Variants in C10orf90 observed in about 807,000 individuals in gnomAD.
C10orf90 encodes (E2-independent) E3 ubiquitin-conjugating enzyme FATS.
C10orf90 carries 56 observed loss-of-function variants against 62.5 expected under a neutral mutation model. The observed-to-expected ratio is 0.90, with a 90% CI of 0.72 to 1.12. The LOEUF is 1.12. C10orf90 is among the 50% of genes most tolerant of loss of function. C10orf90 has a pLI of 0.00. For synonymous variants in C10orf90, 386 were observed against 340.4 expected (o/e 1.13, Z -1.47); for missense variants, 970 against 880.4 (o/e 1.10, Z -1.29).
chr10:126,458,771 T>C (rs1859750026), intron 7 of C10orf90, among the ~76,000 whole-genome samples: 1 of 152,226 alleles, frequency 6.6e-6, no homozygotes, highest in Non-Finnish European at 1.5e-5. Context: ...CCCTGGCTGC[T>C]ACAGTGGTGT....
intron 8 of C10orf90, 109 bp downstream of exon 8, chr10:126,429,678 C>A: frequency 1.2e-6 from 1 of 852,048 alleles, no homozygotes; most frequent in South Asian, 1.6e-5. Flanking sequence ...AGACCTCAGA[C>A]CTTAAACATG....
intron 2 of C10orf90, among the ~76,000 whole-genome samples, chr10:126,589,956 C>T (rs963294888): frequency 3.3e-5 from 5 of 152,110 alleles, no homozygotes; most frequent in African/African-American, 1.2e-4. Flanking sequence ...ACCCATCTCA[C>T]TTGCAAAAAC....
intron 3 of C10orf90, among the ~76,000 whole-genome samples, chr10:126,507,770 C>T (rs1480868229): frequency 2.6e-5 from 4 of 152,158 alleles, no homozygotes; most frequent in Non-Finnish European, 5.9e-5. Context: ...CAGGGAGGCC[C>T]AGGCATCAGT....
chr10:126,523,395 T>G (rs1411694107), intron 2 of C10orf90: 1 of 152,238 alleles, frequency 6.6e-6, no homozygotes, highest in Non-Finnish European at 1.5e-5. Flanking sequence ...ATGGAGAAGA[T>G]AGCACTTTTG....
intron 2 of C10orf90, among the ~76,000 whole-genome samples, chr10:126,538,195 A>G (rs1445814095): frequency 6.6e-6 from 1 of 151,940 alleles, no homozygotes; most frequent in Non-Finnish European, 1.5e-5. Context: ...GTTCAGGGGA[A>G]CTCCCTTTTA....
chr10:126,476,485 A>G (rs1860876312), intron 4 of C10orf90, among the ~76,000 whole-genome samples: 1 of 152,220 alleles, frequency 6.6e-6, no homozygotes, highest in Admixed American at 6.5e-5. Context: ...AGTGCAGGCC[A>G]GGCCGCAGGC....
intron 2 of C10orf90, among the ~76,000 whole-genome samples, chr10:126,613,156 C>T (rs1271002359): frequency 6.6e-6 from 1 of 152,172 alleles, no homozygotes; most frequent in Non-Finnish European, 1.5e-5. Context: ...AATTACAATA[C>T]TGTATTTTGC....
chr10:126,492,546 A>C (rs1173711351), intron 4 of C10orf90, among the ~76,000 whole-genome samples: 2 of 152,216 alleles, frequency 1.3e-5, no homozygotes, highest in East Asian at 3.8e-4. Context: ...AGACAACATT[A>C]AAAAGTAAAA....
intron 2 of C10orf90, among the ~76,000 whole-genome samples, chr10:126,529,643 G>A (rs1055784100): frequency 6.6e-6 from 1 of 152,136 alleles, no homozygotes; most frequent in East Asian, 1.9e-4. Context: ...AGTAAAGAGA[G>A]AAAGGCAAAA....
intron 2 of C10orf90, among the ~76,000 whole-genome samples, chr10:126,582,143 T>C (rs1844765606): frequency 6.6e-6 from 1 of 152,206 alleles, no homozygotes; most frequent in South Asian, 2.1e-4. Context: ...TCTGCTGCCA[T>C]GGCCCCTCCA....
intron 2 of C10orf90, among the ~76,000 whole-genome samples, chr10:126,563,553 G>T (rs1401193920): frequency 6.6e-6 from 1 of 152,176 alleles, no homozygotes; most frequent in Non-Finnish European, 1.5e-5. Flanking sequence ...GATTCAAGGG[G>T]ATTATTTGTG....
intron 2 of C10orf90, among the ~76,000 whole-genome samples, chr10:126,551,316 G>A (rs1864625058): frequency 6.6e-6 from 1 of 152,224 alleles, no homozygotes; most frequent in Non-Finnish European, 1.5e-5. Context: ...ACCTCTGTGT[G>A]GACTTGGTCC....
chr10:126,516,209 T>G (rs1863430360), intron 2 of C10orf90, among the ~76,000 whole-genome samples: 1 of 152,172 alleles, frequency 6.6e-6, no homozygotes, highest in African/African-American at 2.4e-5. Context: ...CAATAACACC[T>G]CCTGCAAAAA....
Position 126,505,076 on chromosome 10 carries a change from C to A in C10orf90, c.415G>T (p.Ala139Ser). The A allele has an allele frequency of 6.2e-7, 1 of 1,604,416 alleles. No homozygotes were observed. The highest frequency in any genetic ancestry group is 8.5e-7 in the Non-Finnish European group (1 of 1,174,298). The change falls in exon 4 of 10, where the codon GCA becomes TCA. Residue 139 changes from alanine (A) to serine (S), a missense_variant. Transcript: ENST00000488181. ...AKSDFTKETL[A>S]SQNTKMISSI... ...GAAATCATTTTTGTGTTTTGTGATG[C>A]CAGGGTCTCCTGCAAATAGAAAAAG...
At chr10:126,476,401 G>A (rs1860869453) in intron 4 of C10orf90, among the ~76,000 whole-genome samples, 2 of 152,188 alleles carry the variant, frequency 1.3e-5, no homozygotes, top group African/African-American at 2.4e-5. Flanking sequence ...AGTCCCTAGG[G>A]CCTCTGAAGA....
At chr10:126,572,092 G>T (rs7910080) in intron 2 of C10orf90, among the ~76,000 whole-genome samples, 5,274 of 152,216 alleles carry the variant, frequency 0.035, 306 homozygotes, top group African/African-American at 0.12. Flanking sequence ...CGACCTGCTG[G>T]GCTGTATTCC....
At position 126,441,043 on chromosome 10, in the gene C10orf90, T is replaced by C. The variant is rs543667589; in HGVS notation, c.2189-11193A>G. Among the ~76,000 whole-genome samples, 3 of 152,042 alleles carry C rather than the reference T, an allele frequency of 2.0e-5. No individual in the cohort carries two copies. In the South Asian group the frequency reaches 6.2e-4, roughly 32 times the overall value. On this transcript the variant is annotated intron_variant, in intron 7 of 9. Coordinates refer to ENST00000488181, the MANE Select transcript of C10orf90 (RefSeq NM_001350921.2). ...TCCAAACCAAGAATAAATACCTAAT[T>C]TATCTGAAAAAAGAATTCAGGAGGT...
At chr10:126,583,927 G>C (rs1844804774) in intron 2 of C10orf90, among the ~76,000 whole-genome samples, 1 of 152,072 alleles carries the variant, frequency 6.6e-6, no homozygotes, top group South Asian at 2.1e-4. Context: ...ACTAGCCTTG[G>C]TGATGTAGAG....
chr10:126,606,836 TAACCAGG>T (rs1032022419), intron 2 of C10orf90, among the ~76,000 whole-genome samples: 1 of 152,124 alleles, frequency 6.6e-6, no homozygotes, highest in Non-Finnish European at 1.5e-5. Flanking sequence ...GACCTGAACA[TAACCAGG>T]AACCAGTCAT....
Sources: gnomAD v4.1 joint callset for allele counts (sites outside exome capture counted in the v4.1 genomes callset) on GRCh38, gnomAD v4.1.1 for gene constraint, MANE v1.5 for transcripts, NCBI Gene and HGNC (gene_info 2026-07-23, HGNC 2026-07-21) for gene names.